The following DNAJC1 variants were observed in gnomAD, a reference collection of about 807,000 sequenced individuals.
DNAJC1 encodes the protein dnaJ homolog subfamily C member 1.
Under a neutral mutation model 76.6 loss-of-function variants are expected in DNAJC1, and 58 were observed. The observed-to-expected ratio is 0.76, with a 90% CI of 0.61 to 0.94. DNAJC1 has a LOEUF of 0.94. Among genes scored for constraint, DNAJC1 ranks in the 40% least tolerant of loss-of-function variants. DNAJC1 has a pLI of 0.00. For synonymous variants in DNAJC1, 258 were observed against 267.9 expected (o/e 0.96, Z 0.36); for missense variants, 689 against 677.3 (o/e 1.02, Z -0.19).
intron 9 of DNAJC1, among the ~76,000 whole-genome samples, chr10:21,802,555 C>T (rs1242886195): frequency 6.6e-6 from 1 of 152,090 alleles, no homozygotes; most frequent in Non-Finnish European, 1.5e-5. Context: ...TAACTACACA[C>T]CCCTTACCTC....
chr10:21,779,866 C>CT (rs1379891624), intron 9 of DNAJC1, among the ~76,000 whole-genome samples: 1 of 152,126 alleles, frequency 6.6e-6, no homozygotes, highest in African/African-American at 2.4e-5. Context: ...AGACGAATGG[C>CT]TAACTAGAAT....
intron 9 of DNAJC1, among the ~76,000 whole-genome samples, chr10:21,769,942 T>A (rs899669448): frequency 6.6e-6 from 1 of 152,138 alleles, no homozygotes; most frequent in Non-Finnish European, 1.5e-5. Context: ...CACCTCGGCC[T>A]CCCAAAGTGC....
chr10:21,932,446 G>C (rs536679290), intron 1 of DNAJC1, among the ~76,000 whole-genome samples: 3 of 152,162 alleles, frequency 2.0e-5, no homozygotes, highest in Non-Finnish European at 4.4e-5. Flanking sequence ...CTCCAAGTTC[G>C]TCCCTCCAGA....
chr10:21,996,807 C>T (rs577898636), intron 1 of DNAJC1, among the ~76,000 whole-genome samples: 1 of 152,300 alleles, frequency 6.6e-6, no homozygotes, highest in Admixed American at 6.5e-5. Flanking sequence ...GCATCTTCCA[C>T]TAAACTATAC....
At chr10:21,781,167 T>G (rs1370501964) in intron 9 of DNAJC1, among the ~76,000 whole-genome samples, 1 of 152,154 alleles carries the variant, frequency 6.6e-6, no homozygotes, top group Non-Finnish European at 1.5e-5. Flanking sequence ...CACCCCACTG[T>G]CAACATTAGA....
At chr10:21,876,401 T>G (rs1836188447) in intron 8 of DNAJC1, among the ~76,000 whole-genome samples, 1 of 152,120 alleles carries the variant, frequency 6.6e-6, no homozygotes, top group African/African-American at 2.4e-5. Flanking sequence ...CATGAGCTAC[T>G]GTGCCCAGCC....
chr10:21,980,201 T>C (rs1838132685), intron 1 of DNAJC1, among the ~76,000 whole-genome samples: 1 of 152,030 alleles, frequency 6.6e-6, no homozygotes, highest in Non-Finnish European at 1.5e-5. Context: ...TATATACACA[T>C]ATACACACAT....
intron 5 of DNAJC1, 36 bp from the exon 6 acceptor site, chr10:21,918,908 T>A: frequency 7.0e-7 from 1 of 1,426,924 alleles, no homozygotes; most frequent in Non-Finnish European, 9.9e-7. Context: ...CCATACAACA[T>A]ATGAGGAATA....
intron 6 of DNAJC1, among the ~76,000 whole-genome samples, chr10:21,909,426 C>A (rs745437926): frequency 0.016 from 2,404 of 152,204 alleles, 34 homozygotes; most frequent in Non-Finnish European, 0.024. Flanking sequence ...TAAGATACAA[C>A]AGTTTCCCTT....
chr10:21,758,544 C>CA (rs1564778388), intron 11 of DNAJC1, among the ~76,000 whole-genome samples: 1 of 152,254 alleles, frequency 6.6e-6, no homozygotes, highest in Non-Finnish European at 1.5e-5. Flanking sequence ...AGGCCAACTA[C>CA]AAACGGCCAC....
intron 1 of DNAJC1, among the ~76,000 whole-genome samples, chr10:21,951,370 C>T (rs2666775): frequency 0.65 from 98,153 of 151,520 alleles, 32,626 homozygotes; most frequent in East Asian, 0.98. Context: ...GATGACACTA[C>T]ACAATGCCAA....
At position 21,928,535 on chromosome 10, in the gene DNAJC1, T is replaced by C; in HGVS notation, c.342A>G (p.Glu114=). The change falls in exon 3 of 12, where the codon GAA becomes GAG. Residue 114 remains glutamate (E), a synonymous_variant. Transcript: ENST00000376980. ...GCCTTCGTTCATCATCCTTTAAAAC[T>C]TCATAAATGGCCACCAACTAAAATA... is the stretch of plus-strand genomic sequence containing the variant. ...TQFRQLVAIY[E]VLKDDERRQR... 1 of 1,613,044 alleles carries C rather than the reference T, an allele frequency of 6.2e-7. No individual in the cohort carries two copies. Among genetic ancestry groups the C allele is most frequent in the Admixed American group, 1.7e-5 (1 of 60,026 alleles).
At chr10:21,809,789 A>C (rs1489236888) in intron 8 of DNAJC1, among the ~76,000 whole-genome samples, 1 of 152,086 alleles carries the variant, frequency 6.6e-6, no homozygotes, top group Non-Finnish European at 1.5e-5. Flanking sequence ...TGACAAATAT[A>C]TATAAATACA....
intron 6 of DNAJC1, among the ~76,000 whole-genome samples, chr10:21,915,528 G>A (rs896229931): frequency 1.3e-5 from 2 of 152,122 alleles, no homozygotes; most frequent in South Asian, 4.1e-4. Context: ...TCAAATATTT[G>A]CAGCTCAGTT....
chr10:21,956,848 ACACAC>A (rs1478466013), intron 1 of DNAJC1, among the ~76,000 whole-genome samples: 1 of 149,126 alleles, frequency 6.7e-6, no homozygotes, highest in Non-Finnish European at 1.5e-5. Context: ...ACACACACAC[ACACAC>A]AAGTAGGTGT....
chr10:21,759,147 A>T (rs937001589), intron 11 of DNAJC1, 23 bp downstream of exon 11: 3 of 1,599,966 alleles, frequency 1.9e-6, no homozygotes, highest in African/African-American at 2.7e-5. Flanking sequence ...ACCTGTGCAG[A>T]GGCCTCTTTC....
chr10:21,858,962 C>T (rs1835882501), intron 8 of DNAJC1, among the ~76,000 whole-genome samples: 2 of 152,046 alleles, frequency 1.3e-5, no homozygotes, highest in Admixed American at 1.3e-4. Context: ...TATTTAACTA[C>T]ATTGTTTTGG....
Position 21,813,235 on chromosome 10 carries a change from T to TAC in DNAJC1, c.979-7137_979-7136insGT, listed in dbSNP as rs1564794908. ...CTCTCTCTCTCTATATATATATATA[T>TAC]ATATATATACACATACAGCTTCTGC... On this transcript the variant is annotated intron_variant, in intron 8 of 11. Coordinates refer to ENST00000376980, the MANE Select transcript of DNAJC1 (RefSeq NM_022365.4). Among the ~76,000 whole-genome samples, 25 of 134,074 alleles carry TAC rather than the reference T, an allele frequency of 1.9e-4. 1 individual carries two copies. The highest frequency in any genetic ancestry group is 7.5e-4 in the African/African-American group (25 of 33,422). 88.0% of individuals were successfully genotyped at this position (134,074 alleles called of 152,430 possible). A position where few individuals can be genotyped will look rare whatever the true frequency, so the allele number is the denominator to read the frequency against.
At chr10:21,981,955 C>T (rs1423079197) in intron 1 of DNAJC1, among the ~76,000 whole-genome samples, 1 of 152,180 alleles carries the variant, frequency 6.6e-6, no homozygotes, top group African/African-American at 2.4e-5. Flanking sequence ...CCTCATTCCC[C>T]ACCAACCCCC....
Sources: allele counts gnomAD v4.1 joint callset (sites outside exome capture counted in the v4.1 genomes callset), GRCh38; gene constraint gnomAD v4.1.1; transcripts MANE v1.5; gene names NCBI Gene and HGNC (gene_info 2026-07-23, HGNC 2026-07-21).